PCDH15: variants seen among roughly 807,000 people sequenced by gnomAD.
The protein encoded by PCDH15 is protocadherin-15.
Under a neutral mutation model 178.5 loss-of-function variants are expected in PCDH15, and 129 were observed. That is an observed-to-expected ratio of 0.72 (90% CI 0.63 to 0.84). PCDH15 has a LOEUF of 0.84. PCDH15 is among the 40% of genes least tolerant of loss of function. The probability of loss-of-function intolerance (pLI) is 0.00; values close to 1 mark genes in which losing one functional copy is unlikely to be tolerated. For synonymous variants in PCDH15, 800 were observed against 732.0 expected (o/e 1.09, Z -1.50); for missense variants, 2,230 against 2,099.9 (o/e 1.06, Z -1.21).
At chr10:55,033,432 G>A (rs911552716) in intron 2 of PCDH15, among the ~76,000 whole-genome samples, 9 of 152,118 alleles carry the variant, frequency 5.9e-5, no homozygotes, top group African/African-American at 2.2e-4. Flanking sequence ...GGGCCATGGA[G>A]TCAAAGATTG....
chr10:55,405,811 G>A (rs536996623), intron 2 of PCDH15, among the ~76,000 whole-genome samples: 1 of 151,774 alleles, frequency 6.6e-6, no homozygotes, highest in East Asian at 1.9e-4. Flanking sequence ...TTCTAGTAGT[G>A]GTACACAGAC....
At chr10:54,376,841 T>G (rs1478706777) in intron 4 of PCDH15, among the ~76,000 whole-genome samples, 1 of 151,958 alleles carries the variant, frequency 6.6e-6, no homozygotes, top group Non-Finnish European at 1.5e-5. Flanking sequence ...TGATGGTAAA[T>G]GAATTTATCT....
At chr10:55,027,692 ACT>A (rs977662583) in intron 2 of PCDH15, among the ~76,000 whole-genome samples, 3 of 151,666 alleles carry the variant, frequency 2.0e-5, no homozygotes, top group Admixed American at 6.6e-5. Context: ...TAGCGATAGG[ACT>A]CTAATTTAGG....
chr10:54,294,478 AC>A lies in PCDH15; in HGVS notation c.876+22792del, dbSNP rs142253350. Among the ~76,000 whole-genome samples the A allele has an allele frequency of 9.9e-3, 1,512 of 152,252 alleles. 28 individuals are homozygous for A. Among genetic ancestry groups the A allele is most frequent in the African/African-American group, 0.034 (1,421 of 41,534 alleles). On this transcript the variant is annotated intron_variant, in intron 8 of 37. Coordinates refer to ENST00000644397, the MANE Select transcript of PCDH15 (RefSeq NM_001384140.1). ...TAAAGTATAAAAACAGAAATTAGAG[AC>A]ATTTTCTGCCTCAAATAGATATAAC...
intron 5 of PCDH15, among the ~76,000 whole-genome samples, chr10:54,350,643 C>T (rs1415247441): frequency 6.6e-6 from 1 of 152,034 alleles, no homozygotes; most frequent in Non-Finnish European, 1.5e-5. Context: ...ATGCCAGATG[C>T]AAAAAAGCAG....
intron 2 of PCDH15, among the ~76,000 whole-genome samples, chr10:55,436,936 G>A (rs769916687): frequency 2.6e-5 from 4 of 152,030 alleles, no homozygotes; most frequent in Admixed American, 6.5e-5. Context: ...AAATGTTCTC[G>A]TTGATTTCTG....
At chr10:53,809,567 A>G (rs1311187004) in intron 37 of PCDH15, 6 of 1,601,644 alleles carry the variant, frequency 3.7e-6, no homozygotes, top group Middle Eastern at 1.7e-4. Context: ...TGAAAATGCA[A>G]TTGAAGTGTC....
intron 3 of PCDH15, among the ~76,000 whole-genome samples, chr10:54,845,838 C>G (rs1444855116): frequency 6.6e-6 from 1 of 152,008 alleles, no homozygotes; most frequent in Non-Finnish European, 1.5e-5. Flanking sequence ...GTCAAAATGA[C>G]TGGATATTGA....
intron 2 of PCDH15, among the ~76,000 whole-genome samples, chr10:55,482,283 T>C (rs974171881): frequency 6.6e-6 from 1 of 151,894 alleles, no homozygotes; most frequent in Non-Finnish European, 1.5e-5. Context: ...TTATCCAGAT[T>C]GCCACTCTGT....
At chr10:53,858,827 G>T (rs984777213) in intron 27 of PCDH15, among the ~76,000 whole-genome samples, 11 of 152,086 alleles carry the variant, frequency 7.2e-5, no homozygotes, top group African/African-American at 2.7e-4. Context: ...GATCATTACA[G>T]TTTTTGTATC....
chr10:54,442,618 T>G (rs1319220063), intron 3 of PCDH15, among the ~76,000 whole-genome samples: 1 of 149,864 alleles, frequency 6.7e-6, no homozygotes, highest in African/African-American at 2.4e-5. Flanking sequence ...GTCATATATG[T>G]GCAGATTGTT....
chr10:54,605,411 A>C (rs1273064589), intron 2 of PCDH15, among the ~76,000 whole-genome samples: 1 of 151,836 alleles, frequency 6.6e-6, no homozygotes, highest in Non-Finnish European at 1.5e-5. Flanking sequence ...TACTGTTTTG[A>C]TTGGCAGTTG....
chr10:55,395,070 G>GA (rs1046404391), intron 2 of PCDH15, among the ~76,000 whole-genome samples: 2 of 151,806 alleles, frequency 1.3e-5, no homozygotes, highest in African/African-American at 2.4e-5. Flanking sequence ...CAGACAAATT[G>GA]AAAAAAATGA....
chr10:54,611,459 G>A (rs763438858), intron 2 of PCDH15, among the ~76,000 whole-genome samples: 5 of 151,738 alleles, frequency 3.3e-5, no homozygotes, highest in African/African-American at 4.8e-5. Flanking sequence ...ATAAGCTTAA[G>A]TTTATTCATA....
At chr10:55,587,471 A>C (rs775446210) in intron 2 of PCDH15, among the ~76,000 whole-genome samples, 3 of 152,072 alleles carry the variant, frequency 2.0e-5, no homozygotes, top group Non-Finnish European at 4.4e-5. Flanking sequence ...GTTTCCATTA[A>C]ATGCTATGGT....
chr10:55,561,091 A>C (rs1842188895), intron 2 of PCDH15, among the ~76,000 whole-genome samples: 1 of 151,842 alleles, frequency 6.6e-6, no homozygotes, highest in Admixed American at 6.6e-5. Flanking sequence ...AAAATAACTC[A>C]GGTGTTATCT....
chr10:55,280,931 T>C (rs1842717881), intron 1 of PCDH15, among the ~76,000 whole-genome samples: 2 of 152,192 alleles, frequency 1.3e-5, no homozygotes, highest in Admixed American at 1.3e-4. Flanking sequence ...ATACAATTAC[T>C]GAACTGATTT....
At chr10:54,462,287 AAC>A (rs1204245333) in intron 3 of PCDH15, among the ~76,000 whole-genome samples, 4 of 146,500 alleles carry the variant, frequency 2.7e-5, no homozygotes, top group African/African-American at 2.5e-5. Context: ...TTTGGAAGGA[AAC>A]ACACACACAC....
intron 22 of PCDH15, among the ~76,000 whole-genome samples, 156 bp downstream of exon 22, chr10:53,961,596 T>C (rs1349335501): frequency 6.6e-6 from 1 of 152,014 alleles, no homozygotes; most frequent in Non-Finnish European, 1.5e-5. Flanking sequence ...TTCTTTTTAC[T>C]ATTTTTGTAA....
Sources: gnomAD v4.1 joint callset for allele counts (sites outside exome capture counted in the v4.1 genomes callset) on GRCh38, gnomAD v4.1.1 for gene constraint, MANE v1.5 for transcripts, NCBI Gene and HGNC (gene_info 2026-07-23, HGNC 2026-07-21) for gene names.